The following CAMK2D variants were observed in gnomAD, a reference collection of about 807,000 sequenced individuals.
The protein encoded by CAMK2D is calcium/calmodulin dependent protein kinase II delta.
A neutral mutation model predicts 84.0 loss-of-function variants in CAMK2D; 37 were observed. The ratio of observed to expected loss-of-function variants is 0.44; its 90% CI spans 0.34 to 0.58. CAMK2D has a LOEUF of 0.58. Among genes scored for constraint, CAMK2D ranks in the 20% least tolerant of loss-of-function variants. The probability of loss-of-function intolerance (pLI) is 0.02; values close to 1 mark genes in which losing one functional copy is unlikely to be tolerated. For missense variants in CAMK2D, 448 were observed against 652.5 expected, an observed-to-expected ratio of 0.69 and a Z score of 3.41; for synonymous variants, 202 against 212.5, an observed-to-expected ratio of 0.95 and a Z score of 0.43.
At chr4:113,731,585 CTTTT>C (rs577555908) in intron 2 of CAMK2D, among the ~76,000 whole-genome samples, 2 of 127,764 alleles carry the variant, frequency 1.6e-5, no homozygotes, top group Non-Finnish European at 1.7e-5. Context: ...AGGGTTATTG[CTTTT>C]TTTTTTTTTT....
At chr4:113,691,360 A>G (rs2099386539) in intron 2 of CAMK2D, among the ~76,000 whole-genome samples, 1 of 152,212 alleles carries the variant, frequency 6.6e-6, no homozygotes, top group South Asian at 2.1e-4. Context: ...CTAGCTGGAA[A>G]GAAGTGCACA....
intron 4 of CAMK2D, among the ~76,000 whole-genome samples, chr4:113,601,622 T>G (rs920667879): frequency 6.6e-6 from 1 of 151,396 alleles, no homozygotes; most frequent in Non-Finnish European, 1.5e-5. Context: ...TTTAGTATAG[T>G]TATAGCATCA....
intron 16 of CAMK2D, among the ~76,000 whole-genome samples, chr4:113,493,813 C>T (rs1329399166): frequency 2.6e-5 from 4 of 151,512 alleles, no homozygotes; most frequent in African/African-American, 9.7e-5. Flanking sequence ...TTCACATAGT[C>T]CCATATTTCT....
At chr4:113,571,711 T>C (rs2098754406) in intron 4 of CAMK2D, among the ~76,000 whole-genome samples, 1 of 152,050 alleles carries the variant, frequency 6.6e-6, no homozygotes, top group South Asian at 2.1e-4. Context: ...CCATCTCTAC[T>C]AAAAAATAAA....
At chr4:113,503,691 T>C (rs763628689) in intron 14 of CAMK2D, among the ~76,000 whole-genome samples, 5 of 152,232 alleles carry the variant, frequency 3.3e-5, no homozygotes, top group African/African-American at 4.8e-5. Context: ...TTATGGACTA[T>C]ATATACAGGA....
chr4:113,696,319 A>T (rs2099402711), intron 2 of CAMK2D, among the ~76,000 whole-genome samples: 1 of 151,942 alleles, frequency 6.6e-6, no homozygotes, highest in African/African-American at 2.4e-5. Context: ...TTTACTTAGG[A>T]CTGAAATGTA....
chr4:113,687,374 G>C (rs1262829419), intron 2 of CAMK2D, among the ~76,000 whole-genome samples: 1 of 152,086 alleles, frequency 6.6e-6, no homozygotes, highest in African/African-American at 2.4e-5. Context: ...ATTTTCTGTG[G>C]CTTGTGGTCA....
chr4:113,676,753 A>T lies in CAMK2D; in HGVS notation c.161-14981T>A, dbSNP rs542698941. On this transcript the variant is annotated intron_variant, in intron 2 of 20. Coordinates refer to ENST00000511664, the MANE Select transcript of CAMK2D (RefSeq NM_001321571.2). ...AAGGATGGAAATTTGAGCCAAAGAA[A>T]ATTCTGTACAGACCTTGCTAAAATA... Among the ~76,000 whole-genome samples, 4 of 152,308 alleles carry T rather than the reference A, an allele frequency of 2.6e-5. No individual in the cohort carries two copies. In the South Asian group the frequency reaches 8.3e-4, roughly 32 times the overall value.
chr4:113,472,327 T>C (rs1038177490), intron 16 of CAMK2D, among the ~76,000 whole-genome samples: 1 of 152,234 alleles, frequency 6.6e-6, no homozygotes, highest in African/African-American at 2.4e-5. Flanking sequence ...AATTATCATG[T>C]ATGATAGCAG....
At chr4:113,666,611 G>A (rs950499510) in intron 2 of CAMK2D, among the ~76,000 whole-genome samples, 8 of 151,510 alleles carry the variant, frequency 5.3e-5, no homozygotes, top group Admixed American at 3.3e-4. Context: ...GCACACACAC[G>A]CACACGCAGG....
At chr4:113,537,468 AG>A (rs1490849846) in intron 6 of CAMK2D, 25 bp from the exon 7 acceptor site, 9 of 1,351,060 alleles carry the variant, frequency 6.7e-6, no homozygotes, top group Non-Finnish European at 8.5e-6. Flanking sequence ...AAAAAAAAAG[AG>A]ACTGAAGTGA....
In CAMK2D at chr4:113,675,139, C is replaced by T. The variant is rs114128605; in HGVS notation, c.161-13367G>A. 3.9e-3 allele frequency among the ~76,000 whole-genome samples: 589 copies of T among 152,208 alleles called. 5 individuals are homozygous for T. Among genetic ancestry groups the T allele is most frequent in the African/African-American group, 0.014 (565 of 41,536 alleles). ...GACTTTTCCCCTACCCTTGTTTTAC[C>T]TTTTCCTTTCACCTTAATATTGGCT... On this transcript the variant is annotated intron_variant, in intron 2 of 20. Transcript: ENST00000511664.
intron 16 of CAMK2D, among the ~76,000 whole-genome samples, chr4:113,499,691 T>TA (rs2098003739): frequency 6.6e-6 from 1 of 152,204 alleles, no homozygotes; most frequent in Admixed American, 6.5e-5. Context: ...ATCCTACTGT[T>TA]ACCGCTGTTT....
At chr4:113,548,695 G>T in intron 5 of CAMK2D, 1 of 1,586,354 alleles carries the variant, frequency 6.3e-7, no homozygotes, top group Non-Finnish European at 8.7e-7. Context: ...AGGTGACAAT[G>T]ATTAACACTT....
At chr4:113,557,872 A>T (rs557018217) in intron 4 of CAMK2D, among the ~76,000 whole-genome samples, 1 of 152,324 alleles carries the variant, frequency 6.6e-6, no homozygotes, top group South Asian at 2.1e-4. Flanking sequence ...ATACCAGAGT[A>T]CCTGTGCATA....
intron 16 of CAMK2D, among the ~76,000 whole-genome samples, chr4:113,467,312 A>G (rs546781194): frequency 6.6e-6 from 1 of 152,290 alleles, no homozygotes; most frequent in African/African-American, 2.4e-5. Flanking sequence ...GATCTTCATC[A>G]AGCAGATTTT....
intron 3 of CAMK2D, among the ~76,000 whole-genome samples, chr4:113,635,444 T>C (rs1289296230): frequency 6.6e-6 from 1 of 152,162 alleles, no homozygotes. Flanking sequence ...TTCTAATCCT[T>C]ATAACAATGT....
In CAMK2D at chr4:113,547,681, T is replaced by C. The variant is rs760320074; in HGVS notation, c.377A>G (p.His126Arg). Residue 126 changes from histidine (H) to arginine (R), a missense_variant, in exon 6 of 21, where the codon CAC becomes CGC. Physicochemically the swap from His to Arg is conservative, Grantham distance 29. Coordinates refer to ENST00000511664, the MANE Select transcript of CAMK2D (RefSeq NM_001321571.2). The stretch of plus-strand genomic sequence containing the variant: ...ATGGACCACGCCCATCTGATGGCAG[T>C]GTAGCACAGCCTCCAGGATCTGCTG... ...CIQQILEAVL[H>R]CHQMGVVHRD... The C allele has an allele frequency of 6.4e-6, 10 of 1,570,206 alleles. 1 individual carries two copies. In the South Asian group the frequency reaches 1.0e-4, roughly 16 times the overall value.
rs576287190 is a variant in CAMK2D at position 113,540,619 on chromosome 4, G to A, written c.415-3176C>T. On this transcript the variant is annotated intron_variant, in intron 6 of 20. Transcript: ENST00000511664. ...TAATCTCTCAAATGAACATTATAAG[G>A]GTACTAAATTATATCTCACAACAGT... Among the ~76,000 whole-genome samples the A allele has an allele frequency of 2.6e-5, 4 of 152,110 alleles. No individual in the cohort carries two copies. In the South Asian group the frequency reaches 8.3e-4, roughly 32 times the overall value.
Sources: allele counts gnomAD v4.1 joint callset (sites outside exome capture counted in the v4.1 genomes callset), GRCh38; gene constraint gnomAD v4.1.1; transcripts MANE v1.5; gene names NCBI Gene and HGNC (gene_info 2026-07-23, HGNC 2026-07-21).